The following ZNF724 variants were observed in gnomAD, a reference collection of about 807,000 sequenced individuals.
The protein encoded by ZNF724 is zinc finger protein 724, also known as zinc finger protein 724 pseudogene.
Under a neutral mutation model 29.3 loss-of-function variants are expected in ZNF724, and 14 were observed. That is an observed-to-expected ratio of 0.48 (90% confidence interval 0.32 to 0.75). The LOEUF is 0.75. Ranked by LOEUF, ZNF724 falls within the 30% of genes least tolerant of loss-of-function variation. ZNF724 has a pLI of 0.04. For synonymous variants in ZNF724, 180 were observed against 193.6 expected, an observed-to-expected ratio of 0.93 and a Z score of 0.58; for missense variants, 557 against 571.2, an observed-to-expected ratio of 0.98 and a Z score of 0.25.
intron 1 of ZNF724, among the ~76,000 whole-genome samples, chr19:23,244,266 C>A (rs1972197349): frequency 6.6e-6 from 1 of 152,012 alleles, no homozygotes; most frequent in Non-Finnish European, 1.5e-5. Context: ...CAGGAATATG[C>A]CGGGAGACTC....
At chr19:23,240,786 C>A (rs1342222946) in intron 1 of ZNF724, among the ~76,000 whole-genome samples, 2 of 149,508 alleles carry the variant, frequency 1.3e-5, no homozygotes, top group African/African-American at 4.9e-5. Flanking sequence ...AATCCCAGCA[C>A]TTTGGGAGGC....
intron 3 of ZNF724, among the ~76,000 whole-genome samples, chr19:23,229,446 A>C (rs1203124361): frequency 6.6e-6 from 1 of 151,650 alleles, no homozygotes; most frequent in East Asian, 1.9e-4. Flanking sequence ...CCTACACAGA[A>C]ACCTACACAG....
At position 23,221,935 on chromosome 19, in the gene ZNF724, G is replaced by T. The variant is rs1051462801; in HGVS notation, c.*450C>A. ...ATAAATACTCTTCTTCACTTTAAAGGCTTATATTTTCTGAAAAATCTATTG... is the reference window on the plus strand; with the variant it reads ...ATAAATACTCTTCTTCACTTTAAAGTCTTATATTTTCTGAAAAATCTATTG... On this transcript the variant is annotated 3_prime_UTR_variant, in exon 4 of 4. Coordinates refer to ENST00000418100, the MANE Select transcript of ZNF724 (RefSeq NM_001355404.2). 5.6e-5 allele frequency: 9 copies of T among 159,754 alleles called. No individual in the cohort carries two copies. Among genetic ancestry groups the T allele is most frequent in the Admixed American group, 3.0e-4 (5 of 16,788 alleles). The allele number at this position is 159,754 out of a possible 1,614,324, so 9.9% of individuals were successfully genotyped here.
chr19:23,234,928 A>G (rs1011413876), intron 1 of ZNF724, among the ~76,000 whole-genome samples: 2 of 152,366 alleles, frequency 1.3e-5, no homozygotes, highest in African/African-American at 4.8e-5. Context: ...AAGCAGGCAC[A>G]GTACAGAGTC....
rs779975086 is a variant in ZNF724, at chr19:23,222,442, T to C, written c.1803A>G (p.Gln601=). The change falls in exon 4 of 4, where the codon CAA becomes CAG. Residue 601 remains glutamine (Q), a synonymous_variant. Coordinates refer to ENST00000418100, the MANE Select transcript of ZNF724 (RefSeq NM_001355404.2). ...KCKECGKAFN[Q]CSNLTTHKKI... ...TCTTGTGTGTAGTAAGGTTTGAGCA[T>C]TGGTTAAAAGCTTTGCCACATTCTT... is the stretch of plus-strand genomic sequence containing the variant. 5.5e-6 allele frequency: 7 copies of C among 1,271,966 alleles called. No individual in the cohort carries two copies. The highest frequency in any genetic ancestry group is 2.9e-5 in the African/African-American group (2 of 68,448). 78.8% of individuals were successfully genotyped at this position (1,271,966 alleles called of 1,614,324 possible).
chr19:23,249,036 G>A (rs984317468), intron 1 of ZNF724, among the ~76,000 whole-genome samples: 1 of 151,626 alleles, frequency 6.6e-6, no homozygotes, highest in Non-Finnish European at 1.5e-5. Flanking sequence ...GAAGAAAAGA[G>A]GAGAGAAACA....
At position 23,222,830 on chromosome 19, in the gene ZNF724, T is replaced by G; in HGVS notation, c.1415A>C (p.His472Pro). 1 of 1,421,122 alleles carries G rather than the reference T, an allele frequency of 7.0e-7. No individual in the cohort carries two copies. Among genetic ancestry groups the G allele is most frequent in the South Asian group, 1.2e-5 (1 of 85,090 alleles). The allele number at this position is 1,421,122 out of a possible 1,614,324, so 88.0% of individuals were successfully genotyped here. Residue 472 changes from histidine to proline, a missense_variant, in exon 4 of 4, where the codon CAT becomes CCT. His to Pro is a moderately conservative substitution (Grantham distance 77). Around this residue, in one of 3 missense-constraint regions of ZNF724, gnomAD observed 170 missense variants for 220.7 expected, o/e 0.77. Coordinates refer to ENST00000418100, the MANE Select transcript of ZNF724 (RefSeq NM_001355404.2). ...SSNLTEHRII[H>P]TGEKPYKCEE... ...ACATTTGTAGGGTTTCTCTCCAGTA[T>G]GAATTATCCTATGTTCAGTAAGGTT... is the stretch of plus-strand genomic sequence containing the variant.
chr19:23,249,241 CTTT>C (rs35301912), intron 1 of ZNF724, among the ~76,000 whole-genome samples: 26 of 133,808 alleles, frequency 1.9e-4, no homozygotes, highest in Non-Finnish European at 3.7e-4. Flanking sequence ...CAGAGACTGC[CTTT>C]TTTTTTTTTT....
intron 3 of ZNF724, among the ~76,000 whole-genome samples, chr19:23,225,328 T>C (rs75330823): frequency 0.014 from 2,074 of 152,158 alleles, 59 homozygotes; most frequent in African/African-American, 0.047. Context: ...ATCGTGGCCG[T>C]GCATAGTGGC....
At chr19:23,226,774 TAAAA>T (rs1254701496) in intron 3 of ZNF724, among the ~76,000 whole-genome samples, 1 of 152,078 alleles carries the variant, frequency 6.6e-6, no homozygotes, top group Non-Finnish European at 1.5e-5. Flanking sequence ...TATTTATAAA[TAAAA>T]AACACACACA....
intron 1 of ZNF724, chr19:23,242,578 G>C (rs1972144988): frequency 6.6e-6 from 1 of 151,260 alleles, no homozygotes; most frequent in Non-Finnish European, 1.5e-5. Flanking sequence ...GCTGGGCTTG[G>C]TGGCACGTAC....
intron 3 of ZNF724, among the ~76,000 whole-genome samples, chr19:23,230,594 TAA>T (rs1381266099): frequency 2.0e-5 from 3 of 152,112 alleles, no homozygotes; most frequent in Non-Finnish European, 4.4e-5. Context: ...AAAGAAAACT[TAA>T]TAGTTTAACA....
At chr19:23,225,867 G>A (rs1971817313) in intron 3 of ZNF724, among the ~76,000 whole-genome samples, 1 of 151,844 alleles carries the variant, frequency 6.6e-6, no homozygotes, top group Non-Finnish European at 1.5e-5. Flanking sequence ...GAAGTGTTTT[G>A]CATAACCAGG....
At chr19:23,243,564 A>G (rs541199896) in intron 1 of ZNF724, among the ~76,000 whole-genome samples, 9 of 152,004 alleles carry the variant, frequency 5.9e-5, no homozygotes, top group African/African-American at 2.2e-4. Context: ...AGAGCTAAAT[A>G]ATAAGAACCC....
At chr19:23,246,458 C>G (rs561493709) in intron 1 of ZNF724, among the ~76,000 whole-genome samples, 1 of 152,158 alleles carries the variant, frequency 6.6e-6, no homozygotes, top group South Asian at 2.1e-4. Context: ...AGTTCAAGAA[C>G]AGCCTGGCCA....
chr19:23,227,555 C>CAAAAAA lies in ZNF724; in HGVS notation c.227-3543_227-3538dup, dbSNP rs1370441801. Among the ~76,000 whole-genome samples the CAAAAAA allele has an allele frequency of 1.1e-4, 8 of 76,068 alleles. 1 individual carries two copies. Among genetic ancestry groups the CAAAAAA allele is most frequent in the Non-Finnish European group, 1.5e-4 (6 of 40,242 alleles). The allele number at this position is 76,068 out of a possible 152,430, so 49.9% of individuals were successfully genotyped here. ...TGGGCAACAGAGTGAGGCTCCATCT[C>CAAAAAA]AAAAAAAAAAAAAAACAAAAAAAAA... On this transcript the variant is annotated intron_variant, in intron 3 of 3. Transcript: ENST00000418100.
chr19:23,236,039 G>A (rs940164768), intron 1 of ZNF724, among the ~76,000 whole-genome samples: 4 of 152,168 alleles, frequency 2.6e-5, no homozygotes, highest in Non-Finnish European at 5.9e-5. Flanking sequence ...GGTGATCCAT[G>A]TATGCTAATT....
At chr19:23,246,070 A>T (rs1003417112) in intron 1 of ZNF724, among the ~76,000 whole-genome samples, 1 of 152,162 alleles carries the variant, frequency 6.6e-6, no homozygotes, top group African/African-American at 2.4e-5. Flanking sequence ...TGCAGGATCA[A>T]TATGAGCCTT....
intron 1 of ZNF724, among the ~76,000 whole-genome samples, chr19:23,233,211 A>G (rs1187483355): frequency 1.3e-5 from 2 of 152,192 alleles, no homozygotes; most frequent in African/African-American, 2.4e-5. Flanking sequence ...TTGATACAGG[A>G]TATCTTAAGA....
Sources: gnomAD v4.1 joint callset for allele counts (sites outside exome capture counted in the v4.1 genomes callset) on GRCh38, gnomAD v4.1.1 for gene constraint, gnomAD v4.1.1 regional missense constraint, MANE v1.5 for transcripts, NCBI Gene and HGNC (gene_info 2026-07-23, HGNC 2026-07-21) for gene names.